Variants in VSIG10 observed in about 807,000 individuals in gnomAD.
The protein encoded by VSIG10 is V-set and immunoglobulin domain-containing protein 10.
A neutral mutation model predicts 58.7 loss-of-function variants in VSIG10; 48 were observed. The ratio of observed to expected loss-of-function variants is 0.82; its 90% CI spans 0.65 to 1.04. VSIG10 has a LOEUF of 1.04. Ranked by LOEUF, VSIG10 falls within the 50% of genes least tolerant of loss-of-function variation. VSIG10 has a pLI of 0.00. For missense variants in VSIG10, 628 were observed against 670.0 expected, an observed-to-expected ratio of 0.94 and a Z score of 0.69; for synonymous variants, 260 against 267.1, an observed-to-expected ratio of 0.97 and a Z score of 0.26.
At position 118,066,705 on chromosome 12, in the gene VSIG10, G is replaced by A. The variant is rs1481955083; in HGVS notation, c.1568-11C>T. On this transcript the variant is annotated splice_polypyrimidine_tract_variant and intron_variant, in intron 8 of 8. Transcript: ENST00000359236. ...CCTCACTGCTGTCATCTGTATGGGGGGAAATAAACCCAATGCTTTGTAATC... is the reference window on the plus strand; with the variant it reads ...CCTCACTGCTGTCATCTGTATGGGGAGAAATAAACCCAATGCTTTGTAATC... 1 of 1,591,616 alleles carries A rather than the reference G, an allele frequency of 6.3e-7. No individual in the cohort carries two copies.
rs1259361941 is a variant in VSIG10 at position 118,064,466 on chromosome 12, TTG to T, written c.*2171_*2172del. On this transcript the variant is annotated 3_prime_UTR_variant, in exon 9 of 9. Transcript: ENST00000359236. ...TTTTTTTTTTTCACCTCAACAGTTT[TTG>T]TGTTTTCTTTTTTTAATCTTGTTGC... is the stretch of plus-strand genomic sequence containing the variant. 6.6e-6 allele frequency: 1 copy of T among 152,068 alleles called. No individual in the cohort carries two copies. The highest frequency in any genetic ancestry group is 1.9e-4 in the East Asian group (1 of 5,202). 9.4% of individuals were successfully genotyped at this position (152,068 alleles called of 1,614,324 possible).
At chr12:118,075,938 A>G (rs2032709140) in intron 4 of VSIG10, among the ~76,000 whole-genome samples, 1 of 152,226 alleles carries the variant, frequency 6.6e-6, no homozygotes, top group Non-Finnish European at 1.5e-5. Flanking sequence ...AGGAGTTTTC[A>G]GTCCTAAAAC....
intron 4 of VSIG10, among the ~76,000 whole-genome samples, chr12:118,075,540 G>C (rs2032694226): frequency 6.6e-6 from 1 of 151,938 alleles, no homozygotes; most frequent in African/African-American, 2.4e-5. Context: ...ACTTTTAGTA[G>C]AAACAGGGTT....
At chr12:118,097,412 C>T (rs1160958598) in intron 1 of VSIG10, among the ~76,000 whole-genome samples, 6 of 152,128 alleles carry the variant, frequency 3.9e-5, no homozygotes, top group African/African-American at 1.2e-4. Context: ...GCCAGGAGTT[C>T]GAGACTAGCC....
chr12:118,082,101 G>A (rs943850613), intron 3 of VSIG10, 26 bp downstream of exon 3: 6 of 1,602,558 alleles, frequency 3.7e-6, no homozygotes, highest in East Asian at 4.5e-5. Flanking sequence ...GGGAAGAAGC[G>A]GGGCAGAGGA....
At position 118,096,442 on chromosome 12, in the gene VSIG10, G is replaced by A. The variant is rs921664472; in HGVS notation, c.80-628C>T. On this transcript the variant is annotated intron_variant, in intron 1 of 8. Transcript: ENST00000359236. ...AAAAATACAAAATCAGCTGGGCGTG[G>A]TAGCACATGCCTGTAATCCCAGCTA... 4.0e-5 allele frequency among the ~76,000 whole-genome samples: 6 copies of A among 151,882 alleles called. No homozygotes were observed. In the South Asian group the frequency reaches 1.0e-3, roughly 26 times the overall value.
intron 1 of VSIG10, among the ~76,000 whole-genome samples, chr12:118,099,410 G>GC (rs1240885526): frequency 6.6e-6 from 1 of 152,058 alleles, no homozygotes; most frequent in East Asian, 1.9e-4. Context: ...CTCGCAAAGT[G>GC]GTGGGATTAC....
intron 1 of VSIG10, 112 bp from the exon 2 acceptor site, chr12:118,095,926 T>TTC: frequency 2.1e-6 from 2 of 941,646 alleles, no homozygotes; most frequent in Non-Finnish European, 2.8e-6. Flanking sequence ...ATATGTTCTT[T>TTC]TTTTTTTTTT....
chr12:118,082,017 TAAA>T (rs11413291), intron 3 of VSIG10, 107 bp downstream of exon 3: 89,420 of 838,332 alleles, frequency 0.11, 1,305 homozygotes, highest in African/African-American at 0.13. Context: ...AACTCCATCT[TAAA>T]AAAAAAAAAA....
intron 2 of VSIG10, 148 bp from the exon 3 acceptor site, chr12:118,082,577 G>C: frequency 1.2e-6 from 1 of 804,896 alleles, no homozygotes; most frequent in East Asian, 2.7e-5. Flanking sequence ...TATGCCAAGT[G>C]CCCTGATACA....
intron 1 of VSIG10, among the ~76,000 whole-genome samples, chr12:118,101,349 AG>A (rs1238015297): frequency 6.6e-6 from 1 of 152,218 alleles, no homozygotes; most frequent in East Asian, 1.9e-4. Context: ...ATTGAGATTT[AG>A]GAAGATTAAG....
At chr12:118,068,023 CT>C (rs371999216) in intron 8 of VSIG10, among the ~76,000 whole-genome samples, 44 of 85,484 alleles carry the variant, frequency 5.1e-4, no homozygotes, top group South Asian at 1.8e-3. Context: ...GGTTTGTGGG[CT>C]TTTTTTTTTT....
chr12:118,064,033 G>A lies in VSIG10; in HGVS notation c.*2606C>T, dbSNP rs746329003. ...CCTGGTCCTGATAAATAGATCTCAT[G>A]GTCTCTAAGTTAACAATACATGCAG... On this transcript the variant is annotated 3_prime_UTR_variant, in exon 9 of 9. Coordinates refer to ENST00000359236, the MANE Select transcript of VSIG10 (RefSeq NM_019086.6). The A allele has an allele frequency of 2.6e-5, 4 of 152,168 alleles. No homozygotes were observed. The highest frequency in any genetic ancestry group is 5.9e-5 in the Non-Finnish European group (4 of 68,032). The allele number at this position is 152,168 out of a possible 1,614,324, so 9.4% of individuals were successfully genotyped here.
intron 2 of VSIG10, among the ~76,000 whole-genome samples, chr12:118,085,531 A>G (rs1209329888): frequency 1.3e-5 from 2 of 152,204 alleles, no homozygotes; most frequent in African/African-American, 4.8e-5. Flanking sequence ...AGCTCCTCAA[A>G]TGCATATATA....
rs765766050 is a variant in VSIG10, at chr12:118,068,555, TTC to T, written c.1387_1388del (p.Glu463ArgfsTer23). The T allele has an allele frequency of 1.3e-6, 2 of 1,593,998 alleles. No individual in the cohort carries two copies. Among genetic ancestry groups the T allele is most frequent in the Non-Finnish European group, 1.7e-6 (2 of 1,169,466 alleles). On this transcript the variant is annotated frameshift_variant, in exon 8 of 9. Coordinates refer to ENST00000359236, the MANE Select transcript of VSIG10 (RefSeq NM_019086.6). LOFTEE classifies it high-confidence loss of function. The stretch of plus-strand genomic sequence containing the variant: ...CCTCCTCCTCCTCCTCCTCTTCCTC[TTC>T]TGAATCCACCAAAACCATGACATCA... ...MDDVMVLVDS[E>X]EEEEEEEEEE...
chr12:118,079,553 T>G lies in VSIG10; in HGVS notation c.718A>C (p.Met240Leu), dbSNP rs759648583. 2.2e-5 allele frequency: 35 copies of G among 1,613,998 alleles called. No homozygotes were observed. In the South Asian group the frequency reaches 3.5e-4, roughly 16 times the overall value. The change falls in exon 4 of 9, where the codon ATG becomes CTG. Residue 240 changes from methionine (M) to leucine (L), a missense_variant. Physicochemically the swap from Met to Leu is conservative, Grantham distance 15 (BLOSUM62 2). Coordinates refer to ENST00000359236, the MANE Select transcript of VSIG10 (RefSeq NM_019086.6). ...TCCCAGCGACAGGTAAGCTGCAACA[T>G]GAACGATCCTGATGCCATCTGTGCC... ...CWAQMASGSF[M>L]LQLTCRWDGG...
intron 7 of VSIG10, among the ~76,000 whole-genome samples, chr12:118,070,422 C>T: frequency 6.6e-6 from 1 of 151,774 alleles, no homozygotes; most frequent in Non-Finnish European, 1.5e-5. Context: ...ATGGTGCGCA[C>T]CTGTAATCCC....
rs530989607 is a variant in VSIG10 at position 118,064,621 on chromosome 12, C to T, written c.*2018G>A. 1 of 152,186 alleles carries T rather than the reference C, an allele frequency of 6.6e-6. No individual in the cohort carries two copies. The highest frequency in any genetic ancestry group is 2.1e-4 in the South Asian group (1 of 4,820). The allele number at this position is 152,186 out of a possible 1,614,324, so 9.4% of individuals were successfully genotyped here. A position where few individuals can be genotyped will look rare whatever the true frequency, so the allele number is the denominator to read the frequency against. ...CATTCTAAAATGACACTGATTTACA[C>T]TGTTGAGAATGGTTAAGTACGTGGG... On this transcript the variant is annotated 3_prime_UTR_variant, in exon 9 of 9. Transcript: ENST00000359236.
chr12:118,097,025 C>T (rs534570684), intron 1 of VSIG10, among the ~76,000 whole-genome samples: 28 of 152,056 alleles, frequency 1.8e-4, no homozygotes, highest in African/African-American at 6.3e-4. Flanking sequence ...GGCGACAGAG[C>T]GAGACTCGGT....
Sources: allele counts gnomAD v4.1 joint callset (sites outside exome capture counted in the v4.1 genomes callset), GRCh38; gene constraint gnomAD v4.1.1; transcripts MANE v1.5; gene names NCBI Gene and HGNC (gene_info 2026-07-23, HGNC 2026-07-21).